The following SLC25A43 variants were observed in gnomAD, a reference collection of about 807,000 sequenced individuals.
SLC25A43 encodes the protein solute carrier family 25 member 43, also known as solute carrier family 25, member 43.
SLC25A43 carries 10 observed loss-of-function variants against 22.8 expected under a neutral mutation model. The observed-to-expected ratio is 0.44, with a 90% CI of 0.27 to 0.74. SLC25A43 has a LOEUF of 0.74. SLC25A43 is among the 30% of genes least tolerant of loss of function. The probability of loss-of-function intolerance (pLI) is 0.17; values close to 1 mark genes in which losing one functional copy is unlikely to be tolerated. For missense variants in SLC25A43, 233 were observed against 279.1 expected (o/e 0.83, Z 1.18); for synonymous variants, 106 against 121.6 (o/e 0.87, Z 0.84).
At chrX:119,449,566 C>T (rs942000777) in intron 3 of SLC25A43, among the ~76,000 whole-genome samples, 4 of 109,549 alleles carry the variant, frequency 3.7e-5, no homozygotes, top group Admixed American at 9.8e-5. Flanking sequence ...CCTGTCTCTA[C>T]AAAAAATACA....
chrX:119,401,165 AC>A (rs1335058826), intron 1 of SLC25A43, among the ~76,000 whole-genome samples: 3 of 111,169 alleles, frequency 2.7e-5, no homozygotes, highest in Non-Finnish European at 3.8e-5. Context: ...GAGTGATGAC[AC>A]CTCTTGTCAG....
rs1054627556 is a variant in SLC25A43, at chrX:119,453,242, C to T, written c.*177C>T. The stretch of plus-strand genomic sequence containing the variant: ...CTCCAAACTGATGTCCCTGTGAACA[C>T]CTGCACTATGAGAAGGTTTCCCAAC... On this transcript the variant is annotated 3_prime_UTR_variant, in exon 5 of 5. Coordinates refer to ENST00000217909, the MANE Select transcript of SLC25A43 (RefSeq NM_145305.3). 3 of 445,341 alleles carry T rather than the reference C, an allele frequency of 6.7e-6. No homozygotes were observed. Among genetic ancestry groups the T allele is most frequent in the Non-Finnish European group, 1.2e-5 (3 of 255,894 alleles). The allele number at this position is 445,341 out of a possible 1,213,427, so 36.7% of individuals were successfully genotyped here.
chrX:119,452,157 C>T lies in SLC25A43; in HGVS notation c.825+14C>T. 2 of 1,182,094 alleles carry T rather than the reference C, an allele frequency of 1.7e-6. No individual in the cohort carries two copies. Among genetic ancestry groups the T allele is most frequent in the Non-Finnish European group, 2.3e-6 (2 of 881,006 alleles). On this transcript the variant is annotated intron_variant, in intron 4 of 4. Coordinates refer to ENST00000217909, the MANE Select transcript of SLC25A43 (RefSeq NM_145305.3). ...AATTTACTGAAGGTGAGAAGAGCCA[C>T]CAGCCTCCGCTGCTCCCCTGCCTCT...
chrX:119,449,620 C>CTGG (rs2052691685), intron 3 of SLC25A43, among the ~76,000 whole-genome samples: 5 of 109,925 alleles, frequency 4.5e-5, no homozygotes, highest in African/African-American at 9.9e-5. Flanking sequence ...GTCCCAGCTA[C>CTGG]CAGGGAGGCT....
In SLC25A43 at chrX:119,404,727, G is replaced by A. The variant is rs192735055; in HGVS notation, c.276-1733G>A. ...GCAGCGTTCCTTTCTCTAGGGCAGA[G>A]GTGTCCAATCTTTTGGTTTCCCTGG... On this transcript the variant is annotated intron_variant, in intron 1 of 4. Coordinates refer to ENST00000217909, the MANE Select transcript of SLC25A43 (RefSeq NM_145305.3). 1.1e-4 allele frequency among the ~76,000 whole-genome samples: 12 copies of A among 111,591 alleles called. No individual in the cohort carries two copies. The East Asian group carries it at 3.4e-3, about 31-fold the overall frequency.
At chrX:119,423,089 A>C (rs1489030297) in intron 3 of SLC25A43, 2 of 111,731 alleles carry the variant, frequency 1.8e-5, no homozygotes, top group African/African-American at 6.5e-5. Flanking sequence ...ACCTGTGGAC[A>C]CAAAAAGTTG....
At chrX:119,402,356 T>A (rs928536554) in intron 1 of SLC25A43, among the ~76,000 whole-genome samples, 2 of 111,790 alleles carry the variant, frequency 1.8e-5, no homozygotes, top group Non-Finnish European at 3.8e-5. Context: ...GGATTGACGA[T>A]CAAGAGTCCA....
At chrX:119,426,004 A>G (rs913638552) in intron 3 of SLC25A43, among the ~76,000 whole-genome samples, 1 of 111,719 alleles carries the variant, frequency 9.0e-6, no homozygotes, top group African/African-American at 3.3e-5. Flanking sequence ...CTAAACGGTA[A>G]CAGCACCTAA....
At chrX:119,447,539 C>T (rs2052677680) in intron 3 of SLC25A43, among the ~76,000 whole-genome samples, 2 of 111,003 alleles carry the variant, frequency 1.8e-5, no homozygotes, top group South Asian at 7.6e-4. Flanking sequence ...AACTCCTGGG[C>T]TCAAGCAATC....
Position 119,454,441 on chromosome X carries a change from G to A in SLC25A43, c.*1376G>A, listed in dbSNP as rs1247126339. On this transcript the variant is annotated 3_prime_UTR_variant, in exon 5 of 5. Transcript: ENST00000217909. The stretch of plus-strand genomic sequence containing the variant: ...GAGAGAGATTTTCGGTATGTTGCAA[G>A]TATTTTTTCCGATTAAATTTATTTT... 8.9e-6 allele frequency: 1 copy of A among 112,340 alleles called. No homozygotes were observed. The highest frequency in any genetic ancestry group is 2.8e-4 in the East Asian group (1 of 3,626). The allele number at this position is 112,340 out of a possible 1,213,427, so 9.3% of individuals were successfully genotyped here.
At position 119,454,100 on chromosome X, in the gene SLC25A43, A is replaced by C. The variant is rs980376249; in HGVS notation, c.*1035A>C. On this transcript the variant is annotated 3_prime_UTR_variant, in exon 5 of 5. Transcript: ENST00000217909. ...AGTGGCCTAAATTCTCTGCCTTTTT[A>C]ACTTGCTTTGCAAGCCTACTCTGAA... 1 of 112,077 alleles carries C rather than the reference A, an allele frequency of 8.9e-6. No individual in the cohort carries two copies. The highest frequency in any genetic ancestry group is 3.2e-5 in the African/African-American group (1 of 30,798). 9.2% of individuals were successfully genotyped at this position (112,077 alleles called of 1,213,427 possible).
intron 3 of SLC25A43, among the ~76,000 whole-genome samples, chrX:119,426,648 C>T (rs1399886670): frequency 9.0e-6 from 1 of 110,578 alleles, no homozygotes; most frequent in Non-Finnish European, 1.9e-5. Context: ...CACGACGAAA[C>T]CCCGTCTCTA....
intron 3 of SLC25A43, among the ~76,000 whole-genome samples, chrX:119,444,821 G>A (rs2052652562): frequency 1.8e-5 from 2 of 109,854 alleles, no homozygotes; most frequent in South Asian, 3.9e-4. Flanking sequence ...GCTCACTTGA[G>A]GTCAGGAGTT....
At chrX:119,444,203 A>G (rs772924020) in intron 3 of SLC25A43, among the ~76,000 whole-genome samples, 1 of 112,033 alleles carries the variant, frequency 8.9e-6, no homozygotes, top group Non-Finnish European at 1.9e-5. Flanking sequence ...AGGGCTTAGT[A>G]AGCAAATTAG....
Position 119,406,559 on chromosome X carries a change from T to C in SLC25A43, c.375T>C (p.Tyr125=). 8.3e-7 allele frequency: 1 copy of C among 1,211,532 alleles called. No homozygotes were observed. The highest frequency in any genetic ancestry group is 1.1e-6 in the Non-Finnish European group (1 of 895,481). Reference sequence around the variant, plus strand: ...GCATGGTTTCCACCATTGTAACATATCCTACAGACCTCATCAAAACCCGGT... The same window carrying C: ...GCATGGTTTCCACCATTGTAACATACCCTACAGACCTCATCAAAACCCGGT... ...LAGMVSTIVT[Y]PTDLIKTRLI... The change falls in exon 2 of 5, where the codon TAT becomes TAC. Residue 125 remains tyrosine, a synonymous_variant. Coordinates refer to ENST00000217909, the MANE Select transcript of SLC25A43 (RefSeq NM_145305.3).
At chrX:119,444,708 A>AT (rs1254809917) in intron 3 of SLC25A43, among the ~76,000 whole-genome samples, 1 of 105,183 alleles carries the variant, frequency 9.5e-6, no homozygotes, top group East Asian at 2.9e-4. Flanking sequence ...TGTCTCAAAA[A>AT]AAAAAAAAAA....
At chrX:119,445,331 C>G (rs1226270680) in intron 3 of SLC25A43, among the ~76,000 whole-genome samples, 1 of 111,919 alleles carries the variant, frequency 8.9e-6, no homozygotes, top group Non-Finnish European at 1.9e-5. Flanking sequence ...CGACTTCCCC[C>G]CTATACATAC....
At chrX:119,415,694 C>CAA (rs1381623252) in intron 3 of SLC25A43, among the ~76,000 whole-genome samples, 1 of 81,703 alleles carries the variant, frequency 1.2e-5, no homozygotes, top group Non-Finnish European at 2.4e-5. Flanking sequence ...GACTCAGTCT[C>CAA]AAAAAAAAAA....
At chrX:119,429,020 T>C (rs1307890725) in intron 3 of SLC25A43, among the ~76,000 whole-genome samples, 1 of 110,549 alleles carries the variant, frequency 9.0e-6, no homozygotes, top group East Asian at 2.8e-4. Flanking sequence ...TGGGCTAAAT[T>C]CCTAGAATTT....
Sources: gnomAD v4.1 joint callset for allele counts (sites outside exome capture counted in the v4.1 genomes callset) on GRCh38, gnomAD v4.1.1 for gene constraint, MANE v1.5 for transcripts, NCBI Gene and HGNC (gene_info 2026-07-23, HGNC 2026-07-21) for gene names.